WNK3: variants seen among roughly 807,000 people sequenced by gnomAD.
WNK3 encodes WNK lysine deficient protein kinase 3, also known as serine/threonine-protein kinase WNK3.
WNK3 carries 18 observed loss-of-function variants against 116.7 expected under a neutral mutation model. The ratio of observed to expected loss-of-function variants is 0.15; its 90% CI spans 0.11 to 0.23. The LOEUF is 0.23. WNK3 is among the 10% of genes least tolerant of loss of function. The pLI is 1.00. For synonymous variants in WNK3, 404 were observed against 469.4 expected (o/e 0.86, Z 1.80); for missense variants, 993 against 1,323.8 (o/e 0.75, Z 3.88).
intron 22 of WNK3, among the ~76,000 whole-genome samples, chrX:54,207,482 C>A (rs1262308731): frequency 9.2e-5 from 10 of 108,850 alleles, no homozygotes; most frequent in African/African-American, 3.3e-4. Flanking sequence ...CTTTCCACTT[C>A]CCTTAATTTC....
At position 54,238,194 on chromosome X, in the gene WNK3, T is replaced by C. The variant is rs1404970604; in HGVS notation, c.4014+148A>G. The C allele has an allele frequency of 4.4e-5, 29 of 661,604 alleles. No homozygotes were observed. In the South Asian group the frequency reaches 6.0e-4, roughly 14 times the overall value. The allele number at this position is 661,604 out of a possible 1,213,427, so 54.5% of individuals were successfully genotyped here. A position where few individuals can be genotyped will look rare whatever the true frequency, so the allele number is the denominator to read the frequency against. On this transcript the variant is annotated intron_variant, in intron 19 of 23. Transcript: ENST00000354646. The stretch of plus-strand genomic sequence containing the variant: ...GTTGCAGTGAGCTAAGATCACACCA[T>C]TGCACTCCAACTGGGCAACAAGAGT...
intron 20 of WNK3, among the ~76,000 whole-genome samples, chrX:54,233,812 G>GAAA (rs781927998): frequency 1.5e-5 from 1 of 66,730 alleles, no homozygotes; most frequent in African/African-American, 5.7e-5. Context: ...CTGTCTCTCT[G>GAAA]AAAAAAAAAA....
chrX:54,228,215 G>A (rs1318308980), intron 22 of WNK3, among the ~76,000 whole-genome samples: 1 of 111,684 alleles, frequency 9.0e-6, no homozygotes, highest in Non-Finnish European at 1.9e-5. Flanking sequence ...GGGGAAGTGG[G>A]AATAAATGGC....
chrX:54,342,270 A>AT (rs1265121475), intron 1 of WNK3, among the ~76,000 whole-genome samples: 1 of 110,096 alleles, frequency 9.1e-6, no homozygotes, highest in Non-Finnish European at 1.9e-5. Flanking sequence ...TATAAAAAAA[A>AT]TTTTTTTTAA....
intron 10 of WNK3, among the ~76,000 whole-genome samples, chrX:54,275,016 A>T (rs1384406014): frequency 5.7e-5 from 6 of 104,541 alleles, no homozygotes; most frequent in Non-Finnish European, 1.2e-4. Context: ...GTCACATAAA[A>T]AAAAAAAAAA....
At chrX:54,232,053 C>T (rs781955601) in intron 21 of WNK3, among the ~76,000 whole-genome samples, 117 of 106,569 alleles carry the variant, frequency 1.1e-3, no homozygotes, top group Middle Eastern at 4.8e-3. Flanking sequence ...TTTTATGAGA[C>T]GGAGTTTCAT....
Position 54,193,474 on chromosome X carries a change from C to A in WNK3, c.*4850G>T, listed in dbSNP as rs180859841. The stretch of plus-strand genomic sequence containing the variant: ...ACATTTTTTTCTCAGAACCCAGTTT[C>A]TCTCTTCCCTTCTTGCTTGACTTTT... On this transcript the variant is annotated 3_prime_UTR_variant, in exon 24 of 24. Transcript: ENST00000354646. 175 of 111,475 alleles carry A rather than the reference C, an allele frequency of 1.6e-3. 2 individuals are homozygous for A. Among genetic ancestry groups the A allele is most frequent in the African/African-American group, 5.5e-3 (169 of 30,846 alleles). The allele number at this position is 111,475 out of a possible 1,213,427, so 9.2% of individuals were successfully genotyped here.
intron 2 of WNK3, among the ~76,000 whole-genome samples, chrX:54,317,706 A>G (rs1465449584): frequency 9.5e-6 from 1 of 104,793 alleles, no homozygotes; most frequent in African/African-American, 3.5e-5. Flanking sequence ...ATCTCAGCTC[A>G]CTGTAAGCTC....
At chrX:54,239,203 T>TAA (rs375257100) in intron 17 of WNK3, 104 bp from the exon 18 acceptor site, 472 of 332,739 alleles carry the variant, frequency 1.4e-3, no homozygotes, top group Middle Eastern at 2.8e-3. Context: ...GTGAAGCTTT[T>TAA]AAAAAAAAAA....
intron 2 of WNK3, among the ~76,000 whole-genome samples, chrX:54,317,670 C>G (rs782527300): frequency 9.4e-6 from 1 of 106,418 alleles, no homozygotes; most frequent in African/African-American, 3.4e-5. Context: ...CTCGCTCTGT[C>G]GCCCAGGCTG....
At chrX:54,276,235 G>C (rs1231239137) in intron 10 of WNK3, among the ~76,000 whole-genome samples, 1 of 110,473 alleles carries the variant, frequency 9.1e-6, no homozygotes, top group Non-Finnish European at 1.9e-5. Flanking sequence ...AGCTACTCAG[G>C]AGGCTGAGAC....
At chrX:54,339,951 A>G (rs1177937959) in intron 1 of WNK3, among the ~76,000 whole-genome samples, 6 of 111,126 alleles carry the variant, frequency 5.4e-5, no homozygotes, top group Non-Finnish European at 9.4e-5. Flanking sequence ...GGAGTTTGAG[A>G]CCAGCCTAGC....
chrX:54,209,667 G>A (rs895261230), intron 22 of WNK3, among the ~76,000 whole-genome samples: 79 of 100,557 alleles, frequency 7.9e-4, no homozygotes, highest in African/African-American at 2.8e-3. Flanking sequence ...TCTCCTGCCT[G>A]AGCCTCCCAA....
In WNK3 at chrX:54,238,474, T is replaced by C. The variant is rs782063656; in HGVS notation, c.3884-2A>G. ...CTGATCTCATCTCTTCTGTTTCCACTGCAAGTTTTGCCAAATTGTAAGTAA... is the reference window on the plus strand; with the variant it reads ...CTGATCTCATCTCTTCTGTTTCCACCGCAAGTTTTGCCAAATTGTAAGTAA... On this transcript the variant is annotated splice_acceptor_variant, in intron 18 of 23. Coordinates refer to ENST00000354646, the Ensembl canonical transcript of WNK3. LOFTEE classifies it high-confidence loss of function. 9.2e-6 allele frequency: 11 copies of C among 1,197,188 alleles called. No homozygotes were observed. In the South Asian group the frequency reaches 1.5e-4, roughly 16 times the overall value.
intron 2 of WNK3, among the ~76,000 whole-genome samples, chrX:54,331,248 G>C (rs2069166669): frequency 9.4e-6 from 1 of 106,499 alleles, no homozygotes; most frequent in Non-Finnish European, 1.9e-5. Context: ...AATTTAAAAA[G>C]AAAAAAAATT....
intron 5 of WNK3, among the ~76,000 whole-genome samples, chrX:54,303,573 A>G (rs1174113617): frequency 9.0e-6 from 1 of 111,054 alleles, no homozygotes; most frequent in Non-Finnish European, 1.9e-5. Context: ...GTAGACAAAT[A>G]TGATGAAATT....
At chrX:54,344,201 T>C in intron 1 of WNK3, among the ~76,000 whole-genome samples, 1 of 112,265 alleles carries the variant, frequency 8.9e-6, no homozygotes, top group South Asian at 3.6e-4. Context: ...TCCAGCACTT[T>C]GGGAGGCCGA....
At chrX:54,357,252 C>G (rs1005148876) in intron 1 of WNK3, among the ~76,000 whole-genome samples, 14 of 110,367 alleles carry the variant, frequency 1.3e-4, no homozygotes, top group African/African-American at 4.6e-4. Flanking sequence ...CCTTTGTCAA[C>G]CGTCTCCTGT....
intron 13 of WNK3, 93 bp downstream of exon 13, chrX:54,253,866 A>G: frequency 1.5e-6 from 1 of 657,987 alleles, no homozygotes; most frequent in Non-Finnish European, 2.3e-6. Flanking sequence ...ATCGTACTCT[A>G]AAAAACAATG....
Sources: allele counts gnomAD v4.1 joint callset (sites outside exome capture counted in the v4.1 genomes callset), GRCh38; gene constraint gnomAD v4.1.1; transcripts MANE v1.5; gene names NCBI Gene and HGNC (gene_info 2026-07-23, HGNC 2026-07-21).